The following PLA2G5 variants were observed in gnomAD, a reference collection of about 807,000 sequenced individuals.
PLA2G5 encodes the protein phospholipase A2 group V.
A neutral mutation model predicts 15.9 loss-of-function variants in PLA2G5; 12 were observed. That is an observed-to-expected ratio of 0.76 (90% CI 0.48 to 1.23). PLA2G5 has a LOEUF of 1.23. Among genes scored for constraint, PLA2G5 ranks in the 50% most tolerant of loss-of-function variants. The pLI is 0.00. For missense variants in PLA2G5, 169 were observed against 177.1 expected, an observed-to-expected ratio of 0.95 and a Z score of 0.26; for synonymous variants, 71 against 71.4, an observed-to-expected ratio of 0.99 and a Z score of 0.03.
intron 1 of PLA2G5, among the ~76,000 whole-genome samples, chr1:20,047,718 T>TTGTGTGTGTG (rs57199460): frequency 2.7e-5 from 4 of 147,436 alleles, no homozygotes; most frequent in African/African-American, 7.5e-5. Context: ...TATAGGATCT[T>TTGTGTGTGTG]TGTGTGTGTG....
intron 1 of PLA2G5, among the ~76,000 whole-genome samples, chr1:20,029,377 T>TGACATGTTCCTCCGCG (rs2012769116): frequency 6.6e-6 from 1 of 152,114 alleles, no homozygotes; most frequent in Non-Finnish European, 1.5e-5. Flanking sequence ...GTTCCTCCGC[T>TGACATGTTCCTCCGCG]GACATGTTCC....
intron 1 of PLA2G5, among the ~76,000 whole-genome samples, chr1:20,077,139 G>C (rs1000339504): frequency 9.9e-5 from 15 of 152,198 alleles, no homozygotes; most frequent in Non-Finnish European, 2.1e-4. Flanking sequence ...CATTGTTCCA[G>C]GTGCTAAGAT....
intron 1 of PLA2G5, among the ~76,000 whole-genome samples, chr1:20,042,789 G>A (rs1049009989): frequency 2.0e-5 from 3 of 152,104 alleles, no homozygotes; most frequent in Non-Finnish European, 1.5e-5. Flanking sequence ...TCAGCAGGGA[G>A]ACCACGTGTG....
intron 1 of PLA2G5, among the ~76,000 whole-genome samples, chr1:20,080,403 A>C (rs972722429): frequency 1.3e-5 from 2 of 152,078 alleles, no homozygotes; most frequent in Admixed American, 1.3e-4. Context: ...CCAACATAGT[A>C]AAACCCCGTC....
exon 2 of PLA2G5, chr1:20,059,639 T>C (rs958463138): frequency 2.0e-5 from 3 of 152,226 alleles, no homozygotes; most frequent in African/African-American, 7.2e-5. Flanking sequence ...TAGTGTACCT[T>C]TCTACTCTGC....
At chr1:20,041,364 C>T (rs995367536) in intron 1 of PLA2G5, among the ~76,000 whole-genome samples, 2 of 152,118 alleles carry the variant, frequency 1.3e-5, no homozygotes, top group African/African-American at 4.8e-5. Context: ...TGCAGACAGG[C>T]TGAGTCTGAA....
chr1:20,073,046 G>A (rs2015470515), intron 1 of PLA2G5, among the ~76,000 whole-genome samples: 1 of 152,140 alleles, frequency 6.6e-6, no homozygotes. Context: ...GATGATTCAG[G>A]CTCATGAGCC....
At chr1:20,069,003 C>T (rs979331349), upstream of PLA2G5, 19 of 1,175,428 alleles carry the variant, frequency 1.6e-5, no homozygotes, top group Non-Finnish European at 1.9e-5. Context: ...ACAGACCATT[C>T]GTTGAAGAAG....
intron 3 of PLA2G5, among the ~76,000 whole-genome samples, chr1:20,089,549 C>T (rs1456456520): frequency 1.3e-5 from 2 of 152,126 alleles, no homozygotes; most frequent in African/African-American, 2.4e-5. Context: ...CACCTACTCG[C>T]AAGGGAGGCT....
At chr1:20,046,741 G>C (rs955937773) in intron 1 of PLA2G5, among the ~76,000 whole-genome samples, 3 of 152,146 alleles carry the variant, frequency 2.0e-5, no homozygotes, top group African/African-American at 7.2e-5. Flanking sequence ...TTTGACCTTG[G>C]CATGTGTTAT....
chr1:20,035,376 G>A (rs2013188015), intron 1 of PLA2G5, among the ~76,000 whole-genome samples: 1 of 152,164 alleles, frequency 6.6e-6, no homozygotes, highest in African/African-American at 2.4e-5. Flanking sequence ...CCGGCAGAAT[G>A]TGGTGTTCCT....
chr1:20,040,688 A>T (rs974145793), intron 1 of PLA2G5, among the ~76,000 whole-genome samples: 2 of 152,172 alleles, frequency 1.3e-5, no homozygotes, highest in African/African-American at 2.4e-5. Context: ...AGTATTTTGT[A>T]AAAGGAAAAT....
chr1:20,082,969 G>A (rs973968389), intron 1 of PLA2G5, among the ~76,000 whole-genome samples: 10 of 152,002 alleles, frequency 6.6e-5, no homozygotes, highest in Non-Finnish European at 1.5e-4. Context: ...CATTGAACAA[G>A]TGACTGTTTA....
intron 2 of PLA2G5, among the ~76,000 whole-genome samples, chr1:20,064,006 T>C (rs1320134688): frequency 6.6e-6 from 1 of 152,218 alleles, no homozygotes; most frequent in East Asian, 1.9e-4. Flanking sequence ...GAATGCAAAA[T>C]GCACTTGACT....
chr1:20,053,910 A>C (rs1264859819), intron 1 of PLA2G5, among the ~76,000 whole-genome samples: 2 of 152,224 alleles, frequency 1.3e-5, no homozygotes, highest in Non-Finnish European at 2.9e-5. Context: ...TACTACACAA[A>C]CTAATTTACA....
rs984207824 is a variant in PLA2G5, at chr1:20,086,240, C to T, written c.185+13C>T. ...ATGGCACCGATTGGTGAGCTGATCG[C>T]TATAACTGCCCTTTAGGCTCCAGGC... On this transcript the variant is annotated intron_variant, in intron 3 of 4. Coordinates refer to ENST00000375108, the MANE Select transcript of PLA2G5 (RefSeq NM_000929.3). The T allele has an allele frequency of 6.2e-7, 1 of 1,613,736 alleles. No homozygotes were observed. The highest frequency in any genetic ancestry group is 8.5e-7 in the Non-Finnish European group (1 of 1,179,674).
chr1:20,090,873 G>T lies in PLA2G5; in HGVS notation c.*181G>T. 1.6e-6 allele frequency: 1 copy of T among 617,538 alleles called. No homozygotes were observed. The highest frequency in any genetic ancestry group is 2.1e-5 in the South Asian group (1 of 48,378). The allele number at this position is 617,538 out of a possible 1,614,324, so 38.3% of individuals were successfully genotyped here. A position where few individuals can be genotyped will look rare whatever the true frequency, so the allele number is the denominator to read the frequency against. Reference sequence around the variant, plus strand: ...CAGCGAGTCCCAGGAGAGTGACTCTGGTCATAGGACTTGGTAGGGTCCCAG... The same window carrying T: ...CAGCGAGTCCCAGGAGAGTGACTCTTGTCATAGGACTTGGTAGGGTCCCAG... On this transcript the variant is annotated 3_prime_UTR_variant, in exon 5 of 5. Coordinates refer to ENST00000375108, the MANE Select transcript of PLA2G5 (RefSeq NM_000929.3).
At chr1:20,044,238 T>A (rs1454347223) in intron 1 of PLA2G5, among the ~76,000 whole-genome samples, 1 of 152,170 alleles carries the variant, frequency 6.6e-6, no homozygotes, top group African/African-American at 2.4e-5. Context: ...GAAGTTCTTG[T>A]GTGCTGGAGG....
chr1:20,090,507 C>T (rs2016515186), intron 4 of PLA2G5, 61 bp from the exon 5 acceptor site: 3 of 1,587,660 alleles, frequency 1.9e-6, no homozygotes, highest in Non-Finnish European at 2.6e-6. Context: ...TCCATGGGGT[C>T]TCTGCTGAGA....
Sources: gnomAD v4.1 joint callset for allele counts (sites outside exome capture counted in the v4.1 genomes callset) on GRCh38, gnomAD v4.1.1 for gene constraint, MANE v1.5 for transcripts, NCBI Gene and HGNC (gene_info 2026-07-23, HGNC 2026-07-21) for gene names.